The following IL1RAPL1 variants were observed in gnomAD, a reference collection of about 807,000 sequenced individuals.
IL1RAPL1 encodes the protein interleukin 1 receptor accessory protein like 1.
In IL1RAPL1, 3 loss-of-function variants were observed where a neutral mutation model predicts 48.4. The observed-to-expected ratio is 0.06, with a 90% CI of 0.03 to 0.16. The LOEUF (loss-of-function observed/expected upper bound fraction) is 0.16. Among genes scored for constraint, IL1RAPL1 ranks in the 10% least tolerant of loss-of-function variants. IL1RAPL1 has a pLI of 1.00. For synonymous variants in IL1RAPL1, 185 were observed against 187.7 expected, an observed-to-expected ratio of 0.99 and a Z score of 0.12; for missense variants, 349 against 530.6, an observed-to-expected ratio of 0.66 and a Z score of 3.36.
chrX:29,927,128 G>T (rs962399129), intron 8 of IL1RAPL1, among the ~76,000 whole-genome samples: 2 of 111,954 alleles, frequency 1.8e-5, no homozygotes, highest in Admixed American at 1.9e-4. Context: ...TGGGAACTTT[G>T]TTAAAAAGCA....
At chrX:29,008,251 G>A (rs967290446) in intron 2 of IL1RAPL1, among the ~76,000 whole-genome samples, 28 of 109,777 alleles carry the variant, frequency 2.6e-4, no homozygotes, top group Admixed American at 2.3e-3. Context: ...CTCACTGCAA[G>A]CTCCGCCTCC....
At position 28,812,903 on chromosome X, in the gene IL1RAPL1, AGGGCC is replaced by A. The variant is rs1936810583; in HGVS notation, c.82+23479_82+23483del. ...CAGTTTCATTTTCTTGACATCACCC[AGGGCC>A]CTCTGAAAGAATTTTCTGTATTAAC... On this transcript the variant is annotated intron_variant, in intron 2 of 10. Coordinates refer to ENST00000378993, the MANE Select transcript of IL1RAPL1 (RefSeq NM_014271.4). Among the ~76,000 whole-genome samples, 3 of 110,051 alleles carry A rather than the reference AGGGCC, an allele frequency of 2.7e-5. No individual in the cohort carries two copies. In the South Asian group the frequency reaches 1.1e-3, roughly 42 times the overall value.
chrX:29,234,149 C>G (rs182107478), intron 2 of IL1RAPL1, among the ~76,000 whole-genome samples: 1 of 112,222 alleles, frequency 8.9e-6, no homozygotes, highest in Non-Finnish European at 1.9e-5. Flanking sequence ...CGCACTTGGA[C>G]TCCTGACCCA....
chrX:29,202,886 G>T (rs936986122), intron 2 of IL1RAPL1, among the ~76,000 whole-genome samples: 3 of 111,215 alleles, frequency 2.7e-5, no homozygotes, highest in African/African-American at 6.6e-5. Context: ...TAGGATGAAG[G>T]TTGAAAAACT....
intron 2 of IL1RAPL1, among the ~76,000 whole-genome samples, chrX:29,020,438 G>T (rs1214939349): frequency 1.8e-5 from 2 of 112,288 alleles, no homozygotes; most frequent in Non-Finnish European, 3.8e-5. Flanking sequence ...GTGATATGCT[G>T]TACAAGTTTG....
At chrX:29,447,041 A>G (rs761166845) in intron 5 of IL1RAPL1, among the ~76,000 whole-genome samples, 55 of 111,701 alleles carry the variant, frequency 4.9e-4, no homozygotes, top group Admixed American at 3.5e-3. Context: ...TCTCAGTGTA[A>G]GTTCCTGAAA....
intron 1 of IL1RAPL1, among the ~76,000 whole-genome samples, chrX:28,769,580 A>T (rs773161135): frequency 3.6e-5 from 4 of 111,988 alleles, no homozygotes; most frequent in Non-Finnish European, 3.8e-5. Context: ...GGGTAATTTT[A>T]CTCTCATCTA....
intron 6 of IL1RAPL1, among the ~76,000 whole-genome samples, chrX:29,873,680 A>AT (rs1485156140): frequency 8.9e-6 from 1 of 111,881 alleles, no homozygotes; most frequent in Non-Finnish European, 1.9e-5. Context: ...ACTTTGTGGT[A>AT]TTTTTTGTTA....
At chrX:28,903,873 A>G (rs1923148677) in intron 2 of IL1RAPL1, among the ~76,000 whole-genome samples, 1 of 110,556 alleles carries the variant, frequency 9.0e-6, no homozygotes. Flanking sequence ...TATTTAAATT[A>G]TGAGAAAAGT....
chrX:29,386,039 T>C (rs1933772639), intron 3 of IL1RAPL1, among the ~76,000 whole-genome samples: 1 of 112,243 alleles, frequency 8.9e-6, no homozygotes, highest in Non-Finnish European at 1.9e-5. Flanking sequence ...TTTTTAATTA[T>C]TGTCTTTTGA....
intron 3 of IL1RAPL1, among the ~76,000 whole-genome samples, chrX:29,386,030 T>C (rs1307239812): frequency 8.9e-6 from 1 of 112,228 alleles, no homozygotes; most frequent in East Asian, 2.8e-4. Context: ...TAAAAATTTT[T>C]TTTAATTATT....
At chrX:29,473,910 T>A (rs1209874320) in intron 5 of IL1RAPL1, among the ~76,000 whole-genome samples, 1 of 111,575 alleles carries the variant, frequency 9.0e-6, no homozygotes, top group African/African-American at 3.3e-5. Context: ...ATTACTTAAG[T>A]ATTGCTATTT....
chrX:29,000,747 A>G (rs1925831367), intron 2 of IL1RAPL1, among the ~76,000 whole-genome samples: 1 of 110,722 alleles, frequency 9.0e-6, no homozygotes, highest in Admixed American at 9.7e-5. Context: ...AAAGACACTG[A>G]TTATATCTCT....
rs1024919411 is a variant in IL1RAPL1 at position 28,590,005 on chromosome X, G to T, written c.-25+1958G>T. ...TAAAAGACAGGTTGCAGCTGCCAAA[G>T]ACTTTTACCATCATATGAGATAAAT... On this transcript the variant is annotated intron_variant, in intron 1 of 10. Transcript: ENST00000378993. Among the ~76,000 whole-genome samples, 43 of 111,923 alleles carry T rather than the reference G, an allele frequency of 3.8e-4. 1 individual carries two copies. Among genetic ancestry groups the T allele is most frequent in the Non-Finnish European group, 7.3e-4 (39 of 53,151 alleles).
At chrX:29,158,910 T>TTCTC (rs200150150) in intron 2 of IL1RAPL1, among the ~76,000 whole-genome samples, 1 of 84,433 alleles carries the variant, frequency 1.2e-5, no homozygotes, top group African/African-American at 5.1e-5. Context: ...TTCTTTTCTT[T>TTCTC]TCTCTCTCTC....
At chrX:28,871,069 T>C (rs1922195565) in intron 2 of IL1RAPL1, among the ~76,000 whole-genome samples, 1 of 111,913 alleles carries the variant, frequency 8.9e-6, no homozygotes, top group Admixed American at 9.5e-5. Flanking sequence ...ATATTAAAAA[T>C]GTAAAGGTTT....
chrX:29,615,199 C>T (rs903356906), intron 5 of IL1RAPL1, among the ~76,000 whole-genome samples: 5 of 111,597 alleles, frequency 4.5e-5, no homozygotes, highest in African/African-American at 9.8e-5. Context: ...GTATCACACA[C>T]GGGAAAAATC....
At chrX:28,899,263 G>A (rs1205409606) in intron 2 of IL1RAPL1, among the ~76,000 whole-genome samples, 2 of 111,003 alleles carry the variant, frequency 1.8e-5, no homozygotes, top group Non-Finnish European at 1.9e-5. Flanking sequence ...TCACATGTGG[G>A]GATTATAATT....
At chrX:29,179,071 C>A (rs1200996607) in intron 2 of IL1RAPL1, among the ~76,000 whole-genome samples, 1 of 111,569 alleles carries the variant, frequency 9.0e-6, no homozygotes, top group East Asian at 2.8e-4. Flanking sequence ...ATTGTCTTGG[C>A]AATGCTGGCT....
Sources: gnomAD v4.1 joint callset for allele counts (sites outside exome capture counted in the v4.1 genomes callset) on GRCh38, gnomAD v4.1.1 for gene constraint, MANE v1.5 for transcripts, NCBI Gene and HGNC (gene_info 2026-07-23, HGNC 2026-07-21) for gene names.